DLG2: variants seen among roughly 807,000 people sequenced by gnomAD.
DLG2 encodes the protein discs large MAGUK scaffold protein 2, also known as disks large homolog 2.
Under a neutral mutation model 132.5 loss-of-function variants are expected in DLG2, and 45 were observed. That is an observed-to-expected ratio of 0.34 (90% CI 0.27 to 0.44). DLG2 has a LOEUF of 0.44. Ranked by LOEUF, DLG2 falls within the 20% of genes least tolerant of loss-of-function variation. The pLI, the probability that DLG2 is intolerant of heterozygous loss-of-function variation, is 1.00. For synonymous variants in DLG2, 424 were observed against 419.6 expected, an observed-to-expected ratio of 1.01 and a Z score of -0.13; for missense variants, 1,045 against 1,196.9, an observed-to-expected ratio of 0.87 and a Z score of 1.87.
At chr11:84,945,335 T>C (rs2050061432) in intron 6 of DLG2, among the ~76,000 whole-genome samples, 1 of 152,214 alleles carries the variant, frequency 6.6e-6, no homozygotes, top group Non-Finnish European at 1.5e-5. Flanking sequence ...CGTGGTGTTC[T>C]TGAGTGAGAT....
chr11:85,468,574 G>A lies in DLG2; in HGVS notation c.40+130083C>T, dbSNP rs373619415. ...CTGCCTTCCTTTCGTTATGTACCCA[G>A]TAGTCACACAGGAGCAGGTTGTTCA... On this transcript the variant is annotated intron_variant, in intron 3 of 27. Transcript: ENST00000376104. 4.3e-4 allele frequency among the ~76,000 whole-genome samples: 66 copies of A among 152,274 alleles called. No individual in the cohort carries two copies. The South Asian group carries it at 0.013, about 31-fold the overall frequency.
chr11:85,057,638 A>G (rs1388892097), intron 6 of DLG2, among the ~76,000 whole-genome samples: 1 of 151,632 alleles, frequency 6.6e-6, no homozygotes, highest in African/African-American at 2.4e-5. Flanking sequence ...AAGATAAATC[A>G]TTTCCCAATT....
At chr11:83,882,415 CA>C (rs1201504375) in intron 15 of DLG2, among the ~76,000 whole-genome samples, 6 of 152,090 alleles carry the variant, frequency 3.9e-5, no homozygotes, top group African/African-American at 1.4e-4. Context: ...CATGTTGGGA[CA>C]AACAGATGGA....
chr11:85,608,510 C>G (rs2080753511), intron 2 of DLG2, among the ~76,000 whole-genome samples: 1 of 152,164 alleles, frequency 6.6e-6, no homozygotes, highest in Non-Finnish European at 1.5e-5. Context: ...CTATGCAAAG[C>G]TTGCAATTTA....
intron 9 of DLG2, among the ~76,000 whole-genome samples, chr11:84,149,827 G>T (rs1465169583): frequency 6.6e-6 from 1 of 151,698 alleles, no homozygotes; most frequent in South Asian, 2.1e-4. Flanking sequence ...ACATGATCTC[G>T]GCTCACTGCA....
In DLG2 at chr11:85,365,025, A is replaced by G. The variant is rs1399063858; in HGVS notation, c.41-79660T>C. Reference sequence around the variant, plus strand: ...TACTTTAATCTGGGACCCTCACCCTACAGACAAAAATGTAAGAATATAAGG... The same window carrying G: ...TACTTTAATCTGGGACCCTCACCCTGCAGACAAAAATGTAAGAATATAAGG... On this transcript the variant is annotated intron_variant, in intron 3 of 27. Transcript: ENST00000376104. Among the ~76,000 whole-genome samples the G allele has an allele frequency of 2.6e-5, 4 of 152,114 alleles. No homozygotes were observed. The East Asian group carries it at 7.7e-4, about 29-fold the overall frequency.
At chr11:84,093,560 T>C (rs2097126525) in intron 10 of DLG2, among the ~76,000 whole-genome samples, 1 of 152,208 alleles carries the variant, frequency 6.6e-6, no homozygotes, top group Non-Finnish European at 1.5e-5. Flanking sequence ...CATCTCATCA[T>C]AGTCACAGGT....
At chr11:85,139,642 C>A (rs1171549086) in intron 5 of DLG2, among the ~76,000 whole-genome samples, 1 of 151,866 alleles carries the variant, frequency 6.6e-6, no homozygotes, top group Non-Finnish European at 1.5e-5. Context: ...GTGTCAAGAA[C>A]AGCTAAAATC....
chr11:83,890,791 T>C (rs557877238), intron 15 of DLG2, among the ~76,000 whole-genome samples: 1 of 152,260 alleles, frequency 6.6e-6, no homozygotes, highest in Admixed American at 6.5e-5. Flanking sequence ...CTCTAAATGC[T>C]GACCTGAACC....
At chr11:83,561,749 G>A (rs1435858099) in intron 19 of DLG2, among the ~76,000 whole-genome samples, 1 of 151,944 alleles carries the variant, frequency 6.6e-6, no homozygotes, top group Non-Finnish European at 1.5e-5. Context: ...ATGAAGAGAA[G>A]GTAGATTACA....
chr11:84,708,696 T>C (rs1417405371), intron 6 of DLG2, among the ~76,000 whole-genome samples: 1 of 151,862 alleles, frequency 6.6e-6, no homozygotes, highest in Non-Finnish European at 1.5e-5. Context: ...CCTGTCAGCA[T>C]TTTTATTATA....
intron 3 of DLG2, among the ~76,000 whole-genome samples, chr11:85,315,604 C>T (rs1485744583): frequency 6.6e-6 from 1 of 152,002 alleles, no homozygotes; most frequent in Non-Finnish European, 1.5e-5. Context: ...CAGTGAACAT[C>T]ATATATCAGG....
intron 3 of DLG2, among the ~76,000 whole-genome samples, chr11:85,538,661 T>TA (rs1221148221): frequency 6.6e-6 from 1 of 151,804 alleles, no homozygotes; most frequent in East Asian, 1.9e-4. Flanking sequence ...TATGCAGCCA[T>TA]AAAAAATGAT....
intron 6 of DLG2, among the ~76,000 whole-genome samples, chr11:84,773,383 C>T (rs1478013073): frequency 6.6e-6 from 1 of 152,038 alleles, no homozygotes; most frequent in East Asian, 1.9e-4. Context: ...TGGAATTATT[C>T]CAAGATTTCA....
intron 6 of DLG2, among the ~76,000 whole-genome samples, chr11:84,897,632 G>T (rs2090376469): frequency 6.6e-6 from 1 of 151,656 alleles, no homozygotes; most frequent in Non-Finnish European, 1.5e-5. Context: ...TATATTCCTA[G>T]AATTTCTAGG....
At chr11:84,994,253 C>T (rs980668433) in intron 6 of DLG2, among the ~76,000 whole-genome samples, 1 of 152,096 alleles carries the variant, frequency 6.6e-6, no homozygotes. Context: ...TCTACTGTTT[C>T]CTCATGTAGC....
At chr11:85,059,329 T>A (rs1183433265) in intron 6 of DLG2, among the ~76,000 whole-genome samples, 1 of 151,510 alleles carries the variant, frequency 6.6e-6, no homozygotes, top group South Asian at 2.1e-4. Flanking sequence ...TATAGATTTG[T>A]ATAATCACTT....
intron 6 of DLG2, among the ~76,000 whole-genome samples, chr11:84,746,672 G>C (rs1412583042): frequency 6.6e-6 from 1 of 152,138 alleles, no homozygotes; most frequent in African/African-American, 2.4e-5. Flanking sequence ...TCCAGCCTGG[G>C]AATGAAGGCT....
chr11:84,335,160 C>CAA (rs58944265), intron 7 of DLG2, among the ~76,000 whole-genome samples: 3,070 of 62,636 alleles, frequency 0.049, 110 homozygotes, highest in Non-Finnish European at 0.061. Context: ...ATAAAGAAAG[C>CAA]AAAAAAAAAA....
Sources: allele counts gnomAD v4.1 joint callset (sites outside exome capture counted in the v4.1 genomes callset), GRCh38; gene constraint gnomAD v4.1.1; transcripts MANE v1.5; gene names NCBI Gene and HGNC (gene_info 2026-07-23, HGNC 2026-07-21).